NBEAL1: variants seen among roughly 807,000 people sequenced by gnomAD.
The protein encoded by NBEAL1 is neurobeachin like 1.
Under a neutral mutation model 351.3 loss-of-function variants are expected in NBEAL1, and 273 were observed. The ratio of observed to expected loss-of-function variants is 0.78; its 90% CI spans 0.70 to 0.86. The LOEUF (loss-of-function observed/expected upper bound fraction) is 0.86, where lower values mean the gene tolerates loss of function less well. Ranked by LOEUF, NBEAL1 falls within the 40% of genes least tolerant of loss-of-function variation. The probability of loss-of-function intolerance (pLI) is 0.00; values close to 1 mark genes in which losing one functional copy is unlikely to be tolerated. For missense variants in NBEAL1, 2,961 were observed against 3,201.3 expected (o/e 0.92, Z 1.81); for synonymous variants, 1,050 against 1,086.4 (o/e 0.97, Z 0.66).
intron 10 of NBEAL1, among the ~76,000 whole-genome samples, chr2:203,091,959 T>C (rs2062073249): frequency 6.6e-6 from 1 of 152,206 alleles, no homozygotes; most frequent in Non-Finnish European, 1.5e-5. Flanking sequence ...AATTTTAATG[T>C]CTATATAATA....
In NBEAL1 at chr2:203,059,622, A is replaced by G. The variant is rs190478183; in HGVS notation, c.515+2169A>G. The stretch of plus-strand genomic sequence containing the variant: ...TGTCCCCATCTACTACAGTGGGGCC[A>G]AGTTAAAATCTACCATGTGACTAGA... On this transcript the variant is annotated intron_variant, in intron 6 of 55. Coordinates refer to ENST00000683969, the MANE Select transcript of NBEAL1 (RefSeq NM_001378026.1). 1.6e-4 allele frequency among the ~76,000 whole-genome samples: 24 copies of G among 152,376 alleles called. 1 individual carries two copies. The East Asian group carries it at 4.4e-3, about 28-fold the overall frequency.
intron 6 of NBEAL1, among the ~76,000 whole-genome samples, chr2:203,060,242 TAAC>T (rs994768157): frequency 6.6e-6 from 1 of 152,108 alleles, no homozygotes; most frequent in Non-Finnish European, 1.5e-5. Flanking sequence ...GCAGCTCTGA[TAAC>T]AAATTAAATA....
chr2:203,211,164 A>G lies in NBEAL1; in HGVS notation c.7934+58A>G, dbSNP rs1310776522. On this transcript the variant is annotated intron_variant, in intron 54 of 55. Coordinates refer to ENST00000683969, the MANE Select transcript of NBEAL1 (RefSeq NM_001378026.1). The stretch of plus-strand genomic sequence containing the variant: ...AGAAAAGGGGCAGTACTTCTAGTCT[A>G]GAGTGAAAATCAGGAATCTAAGATT... The G allele has an allele frequency of 4.1e-6, 5 of 1,214,086 alleles. No individual in the cohort carries two copies. In the Admixed American group the frequency reaches 1.4e-4, roughly 33 times the overall value. The allele number at this position is 1,214,086 out of a possible 1,614,324, so 75.2% of individuals were successfully genotyped here.
intron 2 of NBEAL1, among the ~76,000 whole-genome samples, chr2:203,031,862 G>GGTATTCTACCTCCTT (rs1252133109): frequency 8.6e-5 from 13 of 152,038 alleles, no homozygotes; most frequent in Admixed American, 7.9e-4. Context: ...TCTACCTCCT[G>GGTATTCTACCTCCTT]GTATTCTACC....
chr2:203,190,159 TACACACACACACACACACAC>T (rs71034227), intron 45 of NBEAL1, 113 bp from the exon 46 acceptor site: 219,211 of 449,398 alleles, frequency 0.49, 51,938 homozygotes, highest in Middle Eastern at 0.58. Context: ...AAGATGTGTG[TACACACACACACACACACAC>T]ACACACACAC....
intron 3 of NBEAL1, among the ~76,000 whole-genome samples, chr2:203,046,208 A>ATATC (rs2061222503): frequency 6.7e-6 from 1 of 148,800 alleles, no homozygotes; most frequent in African/African-American, 2.5e-5. Context: ...ACAACAGTAG[A>ATATC]TATTTATTTA....
intron 3 of NBEAL1, among the ~76,000 whole-genome samples, chr2:203,047,050 C>T (rs2061239646): frequency 6.6e-6 from 1 of 151,990 alleles, no homozygotes; most frequent in Non-Finnish European, 1.5e-5. Context: ...GCAAGGCTGA[C>T]CAACATGGAG....
At chr2:203,022,210 C>T (rs917398753) in intron 2 of NBEAL1, among the ~76,000 whole-genome samples, 6 of 152,088 alleles carry the variant, frequency 3.9e-5, no homozygotes, top group Non-Finnish European at 8.8e-5. Context: ...AAAAAAGAAA[C>T]TGAGCCTCTC....
chr2:203,154,555 T>C (rs555122806), intron 35 of NBEAL1, among the ~76,000 whole-genome samples: 1 of 152,286 alleles, frequency 6.6e-6, no homozygotes, highest in Non-Finnish European at 1.5e-5. Context: ...ATGTATAGAA[T>C]AGTGTTTTCA....
In NBEAL1 at chr2:203,151,585, T is replaced by C. The variant is rs201323789; in HGVS notation, c.5583T>C (p.Asn1861=). The change falls in exon 35 of 56, where the codon AAT becomes AAC. Residue 1861 remains asparagine, a synonymous_variant. Transcript: ENST00000683969. ...AGGAAGCTAGTGCCTTGAGAGATAA[T>C]CTGGGTGAGTTCCAATGACTGTTTA... ...THEEASALRD[N]LGIQHSQPSS... is the part of the protein sequence containing the mutation. 3.1e-6 allele frequency: 5 copies of C among 1,599,674 alleles called. No individual in the cohort carries two copies. The Middle Eastern group carries it at 5.0e-4, about 161-fold the overall frequency.
chr2:203,036,230 A>G (rs1445112816), intron 2 of NBEAL1, among the ~76,000 whole-genome samples: 3 of 149,402 alleles, frequency 2.0e-5, no homozygotes, highest in Admixed American at 6.7e-5. Flanking sequence ...TATTGTTTCT[A>G]TGTGTGAGGA....
chr2:203,211,395 C>T (rs2065786387), intron 54 of NBEAL1, among the ~76,000 whole-genome samples: 1 of 152,100 alleles, frequency 6.6e-6, no homozygotes, highest in South Asian at 2.1e-4. Context: ...AATCCCAGCA[C>T]TTTGGGAGGT....
rs1446946849 is a variant in NBEAL1, at chr2:203,206,887, A to G, written c.7507-1750A>G. ...GTCTCTGCCTGGCCGCCCATCATCTAGGATGTGAGGAGCCCTTCTGCCTGG... is the reference window on the plus strand; with the variant it reads ...GTCTCTGCCTGGCCGCCCATCATCTGGGATGTGAGGAGCCCTTCTGCCTGG... On this transcript the variant is annotated intron_variant, in intron 51 of 55. Coordinates refer to ENST00000683969, the MANE Select transcript of NBEAL1 (RefSeq NM_001378026.1). 5.1e-3 allele frequency among the ~76,000 whole-genome samples: 760 copies of G among 147,976 alleles called. 9 individuals are homozygous for G. The highest frequency in any genetic ancestry group is 0.018 in the African/African-American group (714 of 39,876).
intron 40 of NBEAL1, among the ~76,000 whole-genome samples, chr2:203,172,465 G>A (rs2064351655): frequency 6.6e-6 from 1 of 152,070 alleles, no homozygotes. Flanking sequence ...AGGTTGCAGT[G>A]AGCCGAGATC....
At chr2:203,023,641 A>C (rs915705364) in intron 2 of NBEAL1, among the ~76,000 whole-genome samples, 21 of 151,892 alleles carry the variant, frequency 1.4e-4, no homozygotes, top group South Asian at 4.1e-4. Context: ...ACAAAAAAAA[A>C]CACCGTGGTC....
At chr2:203,035,417 C>G (rs1466198897) in intron 2 of NBEAL1, among the ~76,000 whole-genome samples, 1 of 149,314 alleles carries the variant, frequency 6.7e-6, no homozygotes, top group Non-Finnish European at 1.5e-5. Flanking sequence ...GATTATTTGT[C>G]TTAATTAATG....
chr2:203,175,092 C>T, intron 41 of NBEAL1, 55 bp from the exon 42 acceptor site: 1 of 1,383,488 alleles, frequency 7.2e-7, no homozygotes, highest in Non-Finnish European at 1.0e-6. Context: ...AAACTTATGC[C>T]CCCTTATGTA....
At chr2:203,070,109 T>G (rs549553088) in intron 7 of NBEAL1, among the ~76,000 whole-genome samples, 2 of 152,372 alleles carry the variant, frequency 1.3e-5, no homozygotes, top group South Asian at 4.1e-4. Flanking sequence ...AGCTGTGTTT[T>G]TAAAAATAGA....
intron 36 of NBEAL1, among the ~76,000 whole-genome samples, chr2:203,161,183 C>T (rs570554755): frequency 4.7e-5 from 7 of 150,414 alleles, no homozygotes; most frequent in Middle Eastern, 3.4e-3. Flanking sequence ...AAAAATTAGC[C>T]GGGTGTGGTG....
Sources: allele counts gnomAD v4.1 joint callset (sites outside exome capture counted in the v4.1 genomes callset), GRCh38; gene constraint gnomAD v4.1.1; transcripts MANE v1.5; gene names NCBI Gene and HGNC (gene_info 2026-07-23, HGNC 2026-07-21).